Variants in CSMD2 observed in about 807,000 individuals in gnomAD.
CSMD2 encodes CUB and sushi domain-containing protein 2.
A neutral mutation model predicts 398.5 loss-of-function variants in CSMD2; 130 were observed. The ratio of observed to expected loss-of-function variants is 0.33; its 90% confidence interval spans 0.28 to 0.38. The LOEUF (loss-of-function observed/expected upper bound fraction) is 0.38, where lower values mean the gene tolerates loss of function less well. Among genes scored for constraint, CSMD2 ranks in the 10% least tolerant of loss-of-function variants. The pLI is 1.00. For missense variants in CSMD2, 3,829 were observed against 4,764.9 expected (o/e 0.80, Z 5.78); for synonymous variants, 1,828 against 1,908.5 (o/e 0.96, Z 1.10).
At chr1:34,039,203 G>A (rs980399440) in intron 2 of CSMD2, among the ~76,000 whole-genome samples, 1 of 152,154 alleles carries the variant, frequency 6.6e-6, no homozygotes, top group African/African-American at 2.4e-5. Context: ...CCACCCCTGT[G>A]GAGGTCAGGC....
At chr1:34,105,703 A>C (rs1424377882) in intron 1 of CSMD2, among the ~76,000 whole-genome samples, 1 of 152,248 alleles carries the variant, frequency 6.6e-6, no homozygotes, top group East Asian at 1.9e-4. Flanking sequence ...CTGAAAATCG[A>C]TCATACACTA....
intron 5 of CSMD2, among the ~76,000 whole-genome samples, chr1:33,882,552 A>G (rs1241618905): frequency 1.3e-5 from 2 of 152,214 alleles, no homozygotes; most frequent in African/African-American, 4.8e-5. Flanking sequence ...GGCACATGTG[A>G]AAACTTGCCT....
chr1:33,896,328 C>T (rs974475154), intron 5 of CSMD2, among the ~76,000 whole-genome samples: 3 of 151,990 alleles, frequency 2.0e-5, no homozygotes, highest in Admixed American at 6.6e-5. Context: ...GCAGTAGGAC[C>T]ATTTGTTTCT....
intron 3 of CSMD2, among the ~76,000 whole-genome samples, chr1:34,029,399 G>A (rs564313960): frequency 3.3e-5 from 5 of 152,290 alleles, no homozygotes; most frequent in South Asian, 2.1e-4. Context: ...GGTTCAACCC[G>A]ATTCAGTTGC....
At chr1:33,814,352 T>A (rs1657212858) in intron 9 of CSMD2, 1 of 152,222 alleles carries the variant, frequency 6.6e-6, no homozygotes, top group African/African-American at 2.4e-5. Flanking sequence ...TGATTACTCA[T>A]CTCAAAAAAA....
chr1:34,025,742 C>T (rs1649564040), intron 3 of CSMD2, among the ~76,000 whole-genome samples: 2 of 152,180 alleles, frequency 1.3e-5, no homozygotes, highest in Admixed American at 1.3e-4. Context: ...GCCTCATTAG[C>T]TCCCATCCAC....
chr1:33,623,515 C>A (rs1340448362), intron 35 of CSMD2, 49 bp from the exon 36 acceptor site: 2 of 1,335,298 alleles, frequency 1.5e-6, no homozygotes, highest in South Asian at 1.2e-5. Flanking sequence ...TGCGTCCCTC[C>A]CTCCTTCTCT....
At chr1:33,788,262 C>T (rs530033253) in intron 12 of CSMD2, among the ~76,000 whole-genome samples, 4 of 152,104 alleles carry the variant, frequency 2.6e-5, no homozygotes, top group East Asian at 1.9e-4. Context: ...AACCCCAGCA[C>T]GTTGGGAGGC....
At position 33,973,663 on chromosome 1, in the gene CSMD2, A is replaced by G. The variant is rs149365774; in HGVS notation, c.518-37709T>C. ...TGCACTTGAGGGTAGAAGGAGCCTA[A>G]GAGGAATGGCCATGCACCCTGCCCT... On this transcript the variant is annotated intron_variant, in intron 3 of 70. Transcript: ENST00000373381. 1.9e-3 allele frequency among the ~76,000 whole-genome samples: 282 copies of G among 152,252 alleles called. 2 individuals are homozygous for G. Among genetic ancestry groups the G allele is most frequent in the African/African-American group, 6.6e-3 (272 of 41,510 alleles).
chr1:34,101,075 C>T (rs1176639644), intron 1 of CSMD2, among the ~76,000 whole-genome samples: 1 of 152,228 alleles, frequency 6.6e-6, no homozygotes, highest in Non-Finnish European at 1.5e-5. Context: ...GGAATGGGAG[C>T]TCATGCCAGA....
intron 21 of CSMD2, among the ~76,000 whole-genome samples, chr1:33,713,956 A>C (rs1446855984): frequency 1.3e-5 from 2 of 152,122 alleles, no homozygotes; most frequent in Non-Finnish European, 2.9e-5. Flanking sequence ...TGTCCCCACC[A>C]CCAGAATGTG....
rs747284617 is a variant in CSMD2, at chr1:33,918,134, C to A, written c.880G>T (p.Asp294Tyr). 1 of 1,614,074 alleles carries A rather than the reference C, an allele frequency of 6.2e-7. No homozygotes were observed. The highest frequency in any genetic ancestry group is 2.2e-5 in the East Asian group (1 of 44,874). Residue 294 changes from aspartate to tyrosine, a missense_variant, in exon 5 of 71, where the codon GAC (aspartate) becomes TAC (tyrosine). Asp to Tyr is a radical substitution (Grantham distance 160). This residue lies in a region of CSMD2 where 2,001 missense variants were observed against 2,567.1 expected (regional missense o/e 0.78). Coordinates refer to ENST00000373381, the MANE Select transcript of CSMD2 (RefSeq NM_001281956.2). The part of the protein sequence containing the change: ...FIDFQLEDGY[D>Y]FLEVTGTEGS... ...TCTGTCCCAGTGACTTCCAGAAAGT[C>A]GTAACCATCCTCCAGCTGGAAGTCA...
chr1:33,803,833 GC>G (rs1213909040), intron 10 of CSMD2, among the ~76,000 whole-genome samples: 1 of 152,176 alleles, frequency 6.6e-6, no homozygotes, highest in Non-Finnish European at 1.5e-5. Context: ...AGATCTTCCT[GC>G]TATTGCTTTA....
chr1:33,927,453 A>T (rs1347738337), intron 4 of CSMD2, among the ~76,000 whole-genome samples: 1 of 152,218 alleles, frequency 6.6e-6, no homozygotes, highest in Non-Finnish European at 1.5e-5. Flanking sequence ...GGCATTGTGC[A>T]AAATGCTTCA....
chr1:34,070,388 C>G (rs553053115), intron 2 of CSMD2, among the ~76,000 whole-genome samples: 1 of 152,320 alleles, frequency 6.6e-6, no homozygotes, highest in South Asian at 2.1e-4. Flanking sequence ...TCCCGCCCTC[C>G]ACAGGCTCCT....
chr1:33,648,126 G>C (rs1643556215), intron 28 of CSMD2, among the ~76,000 whole-genome samples: 1 of 152,156 alleles, frequency 6.6e-6, no homozygotes, highest in Admixed American at 6.5e-5. Flanking sequence ...ACTTTGGGAG[G>C]CTGAGGTGGG....
chr1:33,622,374 C>T (rs1641827486), intron 36 of CSMD2, 103 bp from the exon 37 acceptor site: 3 of 793,234 alleles, frequency 3.8e-6, no homozygotes, highest in Admixed American at 1.9e-5. Context: ...CATTCTGCTC[C>T]CAAGGCCCCC....
chr1:33,986,101 C>T (rs1000584778), intron 3 of CSMD2, among the ~76,000 whole-genome samples: 10 of 152,206 alleles, frequency 6.6e-5, no homozygotes, highest in Non-Finnish European at 8.8e-5. Flanking sequence ...CAATGCCTGC[C>T]GCAGAGCTGG....
intron 26 of CSMD2, among the ~76,000 whole-genome samples, chr1:33,659,167 C>G (rs184854597): frequency 6.6e-6 from 1 of 152,300 alleles, no homozygotes; most frequent in Admixed American, 6.5e-5. Flanking sequence ...ATTACCTAAC[C>G]TAGTTTAACA....
Sources: allele counts gnomAD v4.1 joint callset (sites outside exome capture counted in the v4.1 genomes callset), GRCh38; gene constraint gnomAD v4.1.1; regional missense constraint gnomAD v4.1.1; transcripts MANE v1.5; gene names NCBI Gene and HGNC (gene_info 2026-07-23, HGNC 2026-07-21).